The following HSF2BP variants were observed in gnomAD, a reference collection of about 807,000 sequenced individuals.
HSF2BP encodes the protein heat shock factor 2-binding protein.
HSF2BP carries 35 observed loss-of-function variants against 35.0 expected under a neutral mutation model. The observed-to-expected ratio is 1.00, with a 90% confidence interval of 0.76 to 1.32. The LOEUF is 1.32. HSF2BP is among the 40% of genes most tolerant of loss of function. The pLI, the probability that HSF2BP is intolerant of heterozygous loss-of-function variation, is 0.00. For missense variants in HSF2BP, 326 were observed against 321.7 expected, an observed-to-expected ratio of 1.01 and a Z score of -0.10; for synonymous variants, 114 against 117.4, an observed-to-expected ratio of 0.97 and a Z score of 0.18.
chr21:43,588,447 G>A (rs896025067), intron 8 of HSF2BP, among the ~76,000 whole-genome samples: 1 of 152,016 alleles, frequency 6.6e-6, no homozygotes, highest in Non-Finnish European at 1.5e-5. Flanking sequence ...ATGTCCTGCT[G>A]AGCAGCAGTC....
chr21:43,599,904 T>C (rs1601644202), intron 7 of HSF2BP, among the ~76,000 whole-genome samples: 1 of 149,130 alleles, frequency 6.7e-6, no homozygotes, highest in East Asian at 2.0e-4. Context: ...TTCTGCTTCC[T>C]GCCACAAACC....
intron 4 of HSF2BP, among the ~76,000 whole-genome samples, chr21:43,639,968 A>G (rs1419460386): frequency 6.6e-6 from 1 of 152,216 alleles, no homozygotes; most frequent in Non-Finnish European, 1.5e-5. Flanking sequence ...AGGCAATAAA[A>G]ATATCTAACG....
intron 8 of HSF2BP, among the ~76,000 whole-genome samples, chr21:43,582,401 CCTGCTGCAGGAGATGAGGGCCTGT>C (rs2081764561): frequency 7.1e-6 from 1 of 141,066 alleles, no homozygotes; most frequent in Non-Finnish European, 1.5e-5. Flanking sequence ...GGGATGAGGG[CCTGCTGCAGGAGATGAGGGCCTGT>C]TGCGGGAGAT....
intron 8 of HSF2BP, among the ~76,000 whole-genome samples, chr21:43,577,990 C>A (rs1443381979): frequency 6.6e-6 from 1 of 152,188 alleles, no homozygotes; most frequent in African/African-American, 2.4e-5. Context: ...ACCGCCTATC[C>A]CAAACCTATA....
chr21:43,652,588 GTC>G (rs2082804179), intron 3 of HSF2BP, among the ~76,000 whole-genome samples: 1 of 152,144 alleles, frequency 6.6e-6, no homozygotes, highest in African/African-American at 2.4e-5. Context: ...AGCATGATTA[GTC>G]TAGGAAGACA....
Position 43,625,460 on chromosome 21 carries a change from G to A in HSF2BP, c.574+4862C>T, listed in dbSNP as rs2082378412. Among the ~76,000 whole-genome samples the A allele has an allele frequency of 2.6e-5, 4 of 152,264 alleles. No individual in the cohort carries two copies. The South Asian group carries it at 8.3e-4, about 32-fold the overall frequency. On this transcript the variant is annotated intron_variant, in intron 6 of 8. Coordinates refer to ENST00000291560, the MANE Select transcript of HSF2BP (RefSeq NM_007031.2). ...CTGGACTACAGAAGGATGGCGTGCAGGAAGTCTGGGGGAAGGAATTAGTTC... is the reference window on the plus strand; with the variant it reads ...CTGGACTACAGAAGGATGGCGTGCAAGAAGTCTGGGGGAAGGAATTAGTTC...
rs535412370 is a variant in HSF2BP, at chr21:43,652,275, C to T, written c.187+4312G>A. ...AAAATTAGCCAGGCGTGATGGCAGG[C>T]GCCTGTATTCCCAGCTACTCTGGAG... On this transcript the variant is annotated intron_variant, in intron 3 of 8. Coordinates refer to ENST00000291560, the MANE Select transcript of HSF2BP (RefSeq NM_007031.2). Among the ~76,000 whole-genome samples the T allele has an allele frequency of 1.4e-4, 21 of 152,018 alleles. No individual in the cohort carries two copies. The South Asian group carries it at 3.1e-3, about 23-fold the overall frequency.
Position 43,627,996 on chromosome 21 carries a change from C to A in HSF2BP, c.574+2326G>T, listed in dbSNP as rs144825002. On this transcript the variant is annotated intron_variant, in intron 6 of 8. Coordinates refer to ENST00000291560, the MANE Select transcript of HSF2BP (RefSeq NM_007031.2). The stretch of plus-strand genomic sequence containing the variant: ...CATGAGCCACACCCATGTAAGACAG[C>A]AAATTTAATCAATACATGCTACTTA... Among the ~76,000 whole-genome samples, 6 of 152,250 alleles carry A rather than the reference C, an allele frequency of 3.9e-5. No individual in the cohort carries two copies. The East Asian group carries it at 7.7e-4, about 20-fold the overall frequency.
intron 6 of HSF2BP, among the ~76,000 whole-genome samples, chr21:43,621,826 T>C (rs1396533015): frequency 6.6e-6 from 1 of 151,868 alleles, no homozygotes; most frequent in East Asian, 1.9e-4. Context: ...AATACTTAAA[T>C]AATATATAAA....
chr21:43,658,390 T>G, intron 1 of HSF2BP, 70 bp from the exon 2 acceptor site: 2 of 446,698 alleles, frequency 4.5e-6, no homozygotes, highest in Non-Finnish European at 7.9e-6. Flanking sequence ...GGTCCTTTCC[T>G]GTTTGGCGAG....
chr21:43,601,276 C>T (rs900529898), intron 7 of HSF2BP, among the ~76,000 whole-genome samples: 2 of 152,144 alleles, frequency 1.3e-5, no homozygotes, highest in African/African-American at 2.4e-5. Context: ...TGTGGCTTCA[C>T]GTCCAATCGG....
intron 8 of HSF2BP, among the ~76,000 whole-genome samples, chr21:43,577,075 C>T (rs1215872283): frequency 6.6e-6 from 1 of 152,184 alleles, no homozygotes; most frequent in Non-Finnish European, 1.5e-5. Flanking sequence ...TTGCCCCAAA[C>T]CCACAGCTGA....
intron 4 of HSF2BP, among the ~76,000 whole-genome samples, chr21:43,639,375 G>C (rs1190188119): frequency 6.6e-6 from 1 of 151,886 alleles, no homozygotes; most frequent in Non-Finnish European, 1.5e-5. Flanking sequence ...CTACAGACTG[G>C]GAGAAAAGAC....
chr21:43,652,463 A>G (rs1473900027), intron 3 of HSF2BP, among the ~76,000 whole-genome samples: 1 of 151,192 alleles, frequency 6.6e-6, no homozygotes, highest in Non-Finnish European at 1.5e-5. Flanking sequence ...AAAGGAGTGG[A>G]TACTGGACAA....
chr21:43,658,039 C>T (rs907926076), intron 2 of HSF2BP, 22 bp downstream of exon 2: 14 of 1,535,472 alleles, frequency 9.1e-6, no homozygotes, highest in Non-Finnish European at 1.0e-5. Context: ...ACGCTGGCGT[C>T]GGCCAGGGCT....
intron 3 of HSF2BP, among the ~76,000 whole-genome samples, chr21:43,647,817 T>C (rs886145778): frequency 2.0e-5 from 3 of 151,250 alleles, no homozygotes; most frequent in Non-Finnish European, 4.4e-5. Flanking sequence ...TAGTCCCAGC[T>C]ACTCGGGAGG....
At chr21:43,658,454 T>G in intron 1 of HSF2BP, 134 bp from the exon 2 acceptor site, 1 of 277,058 alleles carries the variant, frequency 3.6e-6, no homozygotes, top group Non-Finnish European at 6.8e-6. Context: ...GCTGGAAACC[T>G]CGCCTCCGCG....
chr21:43,633,852 C>T (rs1363257032), intron 4 of HSF2BP, among the ~76,000 whole-genome samples: 1 of 152,192 alleles, frequency 6.6e-6, no homozygotes, highest in Non-Finnish European at 1.5e-5. Flanking sequence ...TGAAAAAACG[C>T]CATCTGCCAG....
intron 4 of HSF2BP, among the ~76,000 whole-genome samples, chr21:43,634,232 A>G (rs2082522547): frequency 2.6e-5 from 4 of 152,172 alleles, no homozygotes; most frequent in African/African-American, 9.6e-5. Context: ...ACTCTTCACA[A>G]GGGAAACACA....
Sources: gnomAD v4.1 joint callset for allele counts (sites outside exome capture counted in the v4.1 genomes callset) on GRCh38, gnomAD v4.1.1 for gene constraint, MANE v1.5 for transcripts, NCBI Gene and HGNC (gene_info 2026-07-23, HGNC 2026-07-21) for gene names.